ZNF138: variants seen among roughly 807,000 people sequenced by gnomAD.
ZNF138 encodes the protein zinc finger protein 138.
ZNF138 carries 33 observed loss-of-function variants against 33.0 expected under a neutral mutation model. That is an observed-to-expected ratio of 1.00 (90% CI 0.76 to 1.34). ZNF138 has a LOEUF of 1.34. ZNF138 is among the 40% of genes most tolerant of loss of function. The pLI is 0.00. For missense variants in ZNF138, 360 were observed against 370.8 expected (o/e 0.97, Z 0.24); for synonymous variants, 139 against 120.4 (o/e 1.15, Z -1.01).
At chr7:64,803,189 T>C (rs1004178754) in intron 1 of ZNF138, among the ~76,000 whole-genome samples, 1 of 152,170 alleles carries the variant, frequency 6.6e-6, no homozygotes, top group East Asian at 1.9e-4. Context: ...TCTTTTGTCA[T>C]TGTTTTTGAC....
intron 3 of ZNF138, among the ~76,000 whole-genome samples, chr7:64,819,610 C>T (rs1266450275): frequency 6.6e-6 from 1 of 152,104 alleles, no homozygotes; most frequent in Admixed American, 6.6e-5. Flanking sequence ...CTCAGGCAAT[C>T]TGCCCGCCTC....
chr7:64,852,850 A>G, the ZNF138 span: 1 of 856,386 alleles, frequency 1.2e-6, no homozygotes. Context: ...TTCCCAGGAC[A>G]ATCCAGGGGT....
chr7:64,837,966 G>A (rs1018048123), downstream of ZNF138, among the ~76,000 whole-genome samples: 2 of 152,138 alleles, frequency 1.3e-5, no homozygotes, highest in Non-Finnish European at 2.9e-5. Context: ...GGGCAGTGAA[G>A]GCGTCTGGCG....
downstream of ZNF138, among the ~76,000 whole-genome samples, chr7:64,834,658 T>G (rs557816468): frequency 6.6e-6 from 1 of 152,232 alleles, no homozygotes. Context: ...TTTTTTGTTA[T>G]GTCAATATTG....
At chr7:64,846,736 T>C in the ZNF138 span, among the ~76,000 whole-genome samples, 1 of 152,322 alleles carries the variant, frequency 6.6e-6, no homozygotes, top group East Asian at 1.9e-4. Flanking sequence ...CTTTACCAGT[T>C]TGGATGCCCT....
downstream of ZNF138, chr7:64,835,820 C>T (rs889745966): frequency 1.3e-5 from 2 of 152,102 alleles, no homozygotes; most frequent in Non-Finnish European, 2.9e-5. Flanking sequence ...TGGGTGAGGG[C>T]TCCTTTTCCT....
chr7:64,836,469 G>C (rs1214421838), downstream of ZNF138: 1 of 152,106 alleles, frequency 6.6e-6, no homozygotes, highest in Non-Finnish European at 1.5e-5. Flanking sequence ...TGGTTTTAAG[G>C]GTCCTGGCAA....
chr7:64,812,162 GTT>G (rs60036934), intron 1 of ZNF138, among the ~76,000 whole-genome samples: 5 of 141,774 alleles, frequency 3.5e-5, no homozygotes, highest in Non-Finnish European at 3.1e-5. Flanking sequence ...AGTTAAGTGG[GTT>G]TTTTTTTTTT....
chr7:64,853,154 C>T, the ZNF138 span: 1 of 1,492,652 alleles, frequency 6.7e-7, no homozygotes, highest in Admixed American at 1.7e-5. Context: ...GACAAGTATC[C>T]ATTCCAATGC....
chr7:64,799,805 G>A (rs957694897), intron 1 of ZNF138, among the ~76,000 whole-genome samples: 1 of 151,974 alleles, frequency 6.6e-6, no homozygotes, highest in Non-Finnish European at 1.5e-5. Flanking sequence ...CACCACGCCT[G>A]GCTAATTTTT....
the ZNF138 span, among the ~76,000 whole-genome samples, chr7:64,845,089 A>C: frequency 6.6e-6 from 1 of 152,068 alleles, no homozygotes; most frequent in African/African-American, 2.4e-5. Context: ...CTCCTTCCCA[A>C]CACTCCTCTC....
the ZNF138 span, among the ~76,000 whole-genome samples, chr7:64,851,213 CTT>C: frequency 6.6e-6 from 1 of 152,150 alleles, no homozygotes; most frequent in Non-Finnish European, 1.5e-5. Context: ...CTATTTGAAA[CTT>C]TGTATTTTTT....
At chr7:64,831,059 G>A in intron 3 of ZNF138, 1 of 1,551,498 alleles carries the variant, frequency 6.4e-7, no homozygotes, top group Admixed American at 2.0e-5. Context: ...AAAGCACCTA[G>A]AAGCCAGAAA....
At chr7:64,796,790 C>G (rs1400093146) in intron 1 of ZNF138, among the ~76,000 whole-genome samples, 1 of 152,216 alleles carries the variant, frequency 6.6e-6, no homozygotes, top group Non-Finnish European at 1.5e-5. Context: ...TGCCTGAAAT[C>G]CCAGCACTGT....
chr7:64,799,705 G>T (rs575768713), intron 1 of ZNF138, among the ~76,000 whole-genome samples: 2 of 152,182 alleles, frequency 1.3e-5, no homozygotes, highest in African/African-American at 4.8e-5. Flanking sequence ...GTGCAATGGT[G>T]CAATCTTGGC....
At chr7:64,810,436 G>GGTGAGA (rs1788062359) in intron 1 of ZNF138, among the ~76,000 whole-genome samples, 1 of 81,268 alleles carries the variant, frequency 1.2e-5, no homozygotes, top group African/African-American at 5.4e-5. Context: ...GGGAGACCGT[G>GGTGAGA]GGGAGAGGGA....
chr7:64,827,297 G>A (rs529592132), intron 3 of ZNF138, among the ~76,000 whole-genome samples: 1 of 150,204 alleles, frequency 6.7e-6, no homozygotes, highest in South Asian at 2.1e-4. Flanking sequence ...ACCCAGGCTC[G>A]AGTGCAGTGG....
chr7:64,814,864 G>T, intron 1 of ZNF138, 54 bp from the exon 2 acceptor site: 1 of 1,603,748 alleles, frequency 6.2e-7, no homozygotes, highest in Non-Finnish European at 8.5e-7. Context: ...TTAAAATTCT[G>T]CCCATGGCTA....
intron 1 of ZNF138, among the ~76,000 whole-genome samples, chr7:64,803,710 A>G (rs1787342671): frequency 6.6e-6 from 1 of 152,218 alleles, no homozygotes; most frequent in South Asian, 2.1e-4. Context: ...TACATTTGGA[A>G]TATAAAGTGT....
Sources: allele counts gnomAD v4.1 joint callset (sites outside exome capture counted in the v4.1 genomes callset), GRCh38; gene constraint gnomAD v4.1.1; transcripts MANE v1.5; gene names NCBI Gene and HGNC (gene_info 2026-07-23, HGNC 2026-07-21).